LRP1B: variants seen among roughly 807,000 people sequenced by gnomAD.
LRP1B encodes the protein LDL receptor related protein 1B.
LRP1B carries 217 observed loss-of-function variants against 556.6 expected under a neutral mutation model. That is an observed-to-expected ratio of 0.39 (90% CI 0.35 to 0.44). The LOEUF is 0.44. Among genes scored for constraint, LRP1B ranks in the 20% least tolerant of loss-of-function variants. The pLI is 1.00. For synonymous variants in LRP1B, 2,047 were observed against 1,865.8 expected, an observed-to-expected ratio of 1.10 and a Z score of -2.50; for missense variants, 5,053 against 5,620.8, an observed-to-expected ratio of 0.90 and a Z score of 3.23.
At chr2:141,989,550 G>A (rs552930451) in intron 1 of LRP1B, among the ~76,000 whole-genome samples, 1 of 151,554 alleles carries the variant, frequency 6.6e-6, no homozygotes, top group Admixed American at 6.6e-5. Context: ...GCACTGTTTG[G>A]TATGGTTTGG....
chr2:141,430,694 G>T (rs887563150), intron 3 of LRP1B, among the ~76,000 whole-genome samples: 4 of 151,712 alleles, frequency 2.6e-5, no homozygotes, highest in African/African-American at 9.7e-5. Flanking sequence ...TTAGCAGTCA[G>T]AAAAAATAAA....
intron 3 of LRP1B, among the ~76,000 whole-genome samples, chr2:141,465,003 CA>C (rs201764995): frequency 1.3e-5 from 2 of 150,202 alleles, no homozygotes; most frequent in African/African-American, 4.9e-5. Flanking sequence ...GGAAAGGAAA[CA>C]AAAAAAAGAT....
intron 2 of LRP1B, among the ~76,000 whole-genome samples, chr2:141,619,176 T>A (rs1688415028): frequency 6.6e-6 from 1 of 152,174 alleles, no homozygotes; most frequent in African/African-American, 2.4e-5. Flanking sequence ...TGAGCCTTTT[T>A]AGGGAATTTC....
intron 7 of LRP1B, among the ~76,000 whole-genome samples, chr2:141,102,364 A>G (rs560480625): frequency 6.6e-6 from 1 of 152,270 alleles, no homozygotes; most frequent in South Asian, 2.1e-4. Context: ...CCTAATCCTG[A>G]AAAGTTTTTT....
At chr2:141,124,664 G>GAAAAAAAA (rs570765407) in intron 7 of LRP1B, among the ~76,000 whole-genome samples, 50 of 73,400 alleles carry the variant, frequency 6.8e-4, no homozygotes, top group East Asian at 1.2e-3. Context: ...AGTGACAAAT[G>GAAAAAAAA]AAAAAAAAAA....
chr2:140,406,663 C>G (rs1573901284), intron 66 of LRP1B, among the ~76,000 whole-genome samples: 1 of 151,980 alleles, frequency 6.6e-6, no homozygotes, highest in Admixed American at 6.6e-5. Context: ...ACAAGGAAAA[C>G]TATAAAACAT....
At chr2:140,649,438 A>G (rs1684598165) in intron 41 of LRP1B, among the ~76,000 whole-genome samples, 1 of 152,230 alleles carries the variant, frequency 6.6e-6, no homozygotes, top group Non-Finnish European at 1.5e-5. Flanking sequence ...GTGTTCATTC[A>G]ATCCCATATT....
chr2:140,721,866 A>G (rs764431456), intron 35 of LRP1B, among the ~76,000 whole-genome samples: 6 of 151,712 alleles, frequency 4.0e-5, no homozygotes, highest in Non-Finnish European at 8.8e-5. Flanking sequence ...CCTTTTTGTC[A>G]TGCCTTAGTA....
intron 2 of LRP1B, among the ~76,000 whole-genome samples, chr2:141,657,241 C>A (rs1690046339): frequency 6.6e-6 from 1 of 151,800 alleles, no homozygotes; most frequent in African/African-American, 2.4e-5. Context: ...AGTAAATGAC[C>A]AAAAGAAATG....
At chr2:140,848,422 C>G (rs1415427684) in intron 29 of LRP1B, among the ~76,000 whole-genome samples, 2 of 152,248 alleles carry the variant, frequency 1.3e-5, no homozygotes, top group East Asian at 3.9e-4. Context: ...CAGTGCTAAC[C>G]TGAGATCAGA....
rs1038545009 is a variant in LRP1B, at chr2:141,249,397, G to A, written c.464-2043C>T. On this transcript the variant is annotated intron_variant, in intron 4 of 90. Coordinates refer to ENST00000389484, the MANE Select transcript of LRP1B (RefSeq NM_018557.3). ...AGATTACTTGAGGCCAGAAGTTTGC[G>A]ATCAGCATGGCCAACATGGCGAAGC... Among the ~76,000 whole-genome samples, 4 of 152,078 alleles carry A rather than the reference G, an allele frequency of 2.6e-5. No homozygotes were observed. In the South Asian group the frequency reaches 6.2e-4, roughly 24 times the overall value.
At chr2:140,234,600 A>G in intron 90 of LRP1B, 186 bp downstream of exon 90, 1 of 457,004 alleles carries the variant, frequency 2.2e-6, no homozygotes, top group Non-Finnish European at 3.9e-6. Flanking sequence ...TGCCTAAAAT[A>G]ATGTTTTAGA....
intron 84 of LRP1B, among the ~76,000 whole-genome samples, chr2:140,291,177 CCTTTGCATATGCTGTTCCCT>C (rs981279909): frequency 5.7e-4 from 86 of 150,598 alleles, no homozygotes; most frequent in Middle Eastern, 6.9e-3. Context: ...AAAGGCTTTC[CCTTTGCATATGCTGTTCCCT>C]CTTTGCATAT....
chr2:141,891,978 C>A (rs547969821), intron 1 of LRP1B, among the ~76,000 whole-genome samples: 18 of 152,038 alleles, frequency 1.2e-4, no homozygotes, highest in African/African-American at 4.1e-4. Flanking sequence ...AAACAACATT[C>A]ATTTGTCTCT....
intron 11 of LRP1B, among the ~76,000 whole-genome samples, chr2:141,042,187 T>C (rs1005382252): frequency 5.3e-5 from 8 of 152,250 alleles, no homozygotes; most frequent in Admixed American, 2.0e-4. Flanking sequence ...CCTTGGAAGA[T>C]AGAGATTACA....
intron 6 of LRP1B, among the ~76,000 whole-genome samples, chr2:141,212,721 C>T (rs930237986): frequency 2.0e-5 from 3 of 152,002 alleles, no homozygotes; most frequent in Admixed American, 2.0e-4. Context: ...TTCCAAGACC[C>T]ACCCCTCAAC....
At chr2:141,615,384 C>G (rs112952442) in intron 2 of LRP1B, among the ~76,000 whole-genome samples, 2,279 of 152,274 alleles carry the variant, frequency 0.015, 27 homozygotes, top group Middle Eastern at 0.054. Flanking sequence ...TGTAACCACA[C>G]AAGGGCAGGA....
At chr2:141,842,722 C>T (rs930136217) in intron 1 of LRP1B, among the ~76,000 whole-genome samples, 1 of 151,982 alleles carries the variant, frequency 6.6e-6, no homozygotes. Context: ...ATGAAACAAT[C>T]GGAAAGAGCA....
chr2:141,573,480 C>T (rs901062350), intron 2 of LRP1B, among the ~76,000 whole-genome samples: 3 of 151,982 alleles, frequency 2.0e-5, no homozygotes, highest in African/African-American at 4.8e-5. Context: ...TAAATGCTCA[C>T]ATCAGAAAGC....
Sources: gnomAD v4.1 joint callset for allele counts (sites outside exome capture counted in the v4.1 genomes callset) on GRCh38, gnomAD v4.1.1 for gene constraint, MANE v1.5 for transcripts, NCBI Gene and HGNC (gene_info 2026-07-23, HGNC 2026-07-21) for gene names.